BSPH1: variants seen among roughly 807,000 people sequenced by gnomAD.
BSPH1 encodes the protein binder of sperm protein homolog 1.
BSPH1 carries 21 observed loss-of-function variants against 22.5 expected under a neutral mutation model. The observed-to-expected ratio is 0.93, with a 90% CI of 0.66 to 1.35. BSPH1 has a LOEUF of 1.35. BSPH1 is among the 40% of genes most tolerant of loss of function. The probability of loss-of-function intolerance (pLI) is 0.00; values close to 1 mark genes in which losing one functional copy is unlikely to be tolerated. For missense variants in BSPH1, 141 were observed against 154.2 expected (o/e 0.91, Z 0.45); for synonymous variants, 42 against 53.6 (o/e 0.78, Z 0.95).
At chr19:47,987,450 G>C (rs1386373857) in intron 1 of BSPH1, among the ~76,000 whole-genome samples, 1 of 148,322 alleles carries the variant, frequency 6.7e-6, no homozygotes, top group East Asian at 2.0e-4. Context: ...CAGTGGCGCT[G>C]TCATAGCTCA....
At chr19:47,975,649 ATTTTTTTTTTTTT>A (rs199878812) in intron 5 of BSPH1, among the ~76,000 whole-genome samples, 1 of 124,922 alleles carries the variant, frequency 8.0e-6, no homozygotes. Context: ...AAGGTAATGC[ATTTTTTTTTTTTT>A]TTTTTTTTTT....
chr19:47,991,286 G>A (rs11666386), intron 1 of BSPH1, among the ~76,000 whole-genome samples: 26,391 of 151,854 alleles, frequency 0.17, 2,541 homozygotes, highest in Non-Finnish European at 0.21. Context: ...TCAGACACTC[G>A]TGGTCGACCA....
intron 1 of BSPH1, among the ~76,000 whole-genome samples, chr19:47,985,826 CT>C (rs1969465109): frequency 8.2e-6 from 1 of 121,808 alleles, no homozygotes; most frequent in South Asian, 2.7e-4. Context: ...CAGGGCAAGA[CT>C]TTGTCTAGAA....
chr19:47,976,672 A>G, intron 5 of BSPH1, 38 bp downstream of exon 5: 3 of 1,529,798 alleles, frequency 2.0e-6, no homozygotes, highest in Non-Finnish European at 2.7e-6. Context: ...AAGGAGAATG[A>G]TTAAACGTCT....
Position 47,976,767 on chromosome 19 carries a change from CATTTTT to C in BSPH1, c.338_343del (p.Lys113_Trp115delinsArg). 2 of 1,551,658 alleles carry C rather than the reference CATTTTT, an allele frequency of 1.3e-6. No homozygotes were observed. The highest frequency in any genetic ancestry group is 1.4e-5 in the African/African-American group (1 of 73,150). ...GTTAAAATTCTTGGTCAGTGAACAC[CATTTTT>C]TCCCAAATGCTTCCCCATCATCAGT... is the stretch of plus-strand genomic sequence containing the variant. On this transcript the variant is annotated inframe_deletion, in exon 5 of 6. Coordinates refer to ENST00000344839, the MANE Select transcript of BSPH1 (RefSeq NM_001128326.2).
chr19:47,982,387 C>T (rs371962090), intron 1 of BSPH1, among the ~76,000 whole-genome samples: 4 of 152,294 alleles, frequency 2.6e-5, no homozygotes, highest in African/African-American at 7.2e-5. Flanking sequence ...TTATTACTGA[C>T]GATTTTGCTA....
At chr19:47,987,691 AAAC>A (rs1179923696) in intron 1 of BSPH1, among the ~76,000 whole-genome samples, 1 of 152,120 alleles carries the variant, frequency 6.6e-6, no homozygotes, top group African/African-American at 2.4e-5. Flanking sequence ...CCTTAGGTCA[AAAC>A]AACCTTGATC....
chr19:47,978,252 G>A lies in BSPH1; in HGVS notation c.125-748C>T, dbSNP rs535488602. On this transcript the variant is annotated intron_variant, in intron 3 of 5. Transcript: ENST00000344839. ...CTGGAGTAGCTGGGACTGCAGGTGC[G>A]TGCTACCATGCCCAGTTAATTTTTA... is the stretch of plus-strand genomic sequence containing the variant. 3.1e-4 allele frequency among the ~76,000 whole-genome samples: 47 copies of A among 151,828 alleles called. No homozygotes were observed. The South Asian group carries it at 7.1e-3, about 23-fold the overall frequency.
chr19:47,969,417 G>A (rs2122235478), intron 5 of BSPH1, among the ~76,000 whole-genome samples: 1 of 152,246 alleles, frequency 6.6e-6, no homozygotes, highest in Middle Eastern at 3.4e-3. Flanking sequence ...GGGTTTAGGA[G>A]ATAACTCAGG....
rs191593652 is a variant in BSPH1, at chr19:47,984,939, C to G, written c.74-3998G>C. On this transcript the variant is annotated intron_variant, in intron 1 of 5. Coordinates refer to ENST00000344839, the MANE Select transcript of BSPH1 (RefSeq NM_001128326.2). ...AAAATTAGCCGGACATGGTGGTGGG[C>G]GCCTGTAATCCCAGCTACTCAGGAG... Among the ~76,000 whole-genome samples, 721 of 151,648 alleles carry G rather than the reference C, an allele frequency of 4.8e-3. 8 individuals carry two copies. The highest frequency in any genetic ancestry group is 0.017 in the African/African-American group (690 of 41,310).
intron 1 of BSPH1, among the ~76,000 whole-genome samples, chr19:47,989,250 A>G (rs964193933): frequency 5.9e-5 from 9 of 151,484 alleles, no homozygotes; most frequent in Admixed American, 2.0e-4. Context: ...GGTTCAAGTG[A>G]TTCTCCTGCC....
chr19:47,989,708 G>A (rs867665611), intron 1 of BSPH1, among the ~76,000 whole-genome samples: 15 of 152,204 alleles, frequency 9.9e-5, no homozygotes, highest in African/African-American at 2.9e-4. Context: ...TATTTGTGAC[G>A]ACATCTTATT....
intron 5 of BSPH1, among the ~76,000 whole-genome samples, chr19:47,975,047 A>G (rs1969348478): frequency 6.6e-6 from 1 of 152,176 alleles, no homozygotes. Context: ...ATCCACATGC[A>G]CTTACATTTT....
chr19:47,977,325 CAGAG>C, intron 4 of BSPH1, 44 bp downstream of exon 4: 1 of 1,462,864 alleles, frequency 6.8e-7, no homozygotes, highest in East Asian at 2.5e-5. Context: ...ATCCCAGCCT[CAGAG>C]ACCAAGATTA....
intron 5 of BSPH1, among the ~76,000 whole-genome samples, chr19:47,974,281 T>C (rs1969340192): frequency 6.7e-6 from 1 of 149,764 alleles, no homozygotes; most frequent in Admixed American, 6.6e-5. Context: ...TTTTTTTTTT[T>C]TTTTTTGAGA....
intron 3 of BSPH1, 50 bp downstream of exon 3, chr19:47,979,520 A>G: frequency 1.1e-6 from 1 of 938,472 alleles, no homozygotes; most frequent in South Asian, 1.7e-5. Context: ...CACTTTTACA[A>G]AATTAAAAGA....
chr19:47,980,940 A>T lies in BSPH1; in HGVS notation c.75T>A (p.Asn25Lys). ...ACTCACCCACAGTTGATGATAATTC[A>T]TCTGAAAAACACAATTTTGAACAAA... ...SSACIFPVIL[N>K]ELSSTVETIT... Residue 25 changes from asparagine to lysine, a missense_variant and splice_region_variant, in exon 2 of 6, where the codon AAT becomes AAA. Asn to Lys is a moderately conservative substitution (Grantham distance 94). Transcript: ENST00000344839. 1.4e-6 allele frequency: 2 copies of T among 1,443,610 alleles called. No individual in the cohort carries two copies. Among genetic ancestry groups the T allele is most frequent in the Non-Finnish European group, 1.9e-6 (2 of 1,078,774 alleles). The allele number at this position is 1,443,610 out of a possible 1,614,324, so 89.4% of individuals were successfully genotyped here. A position where few individuals can be genotyped will look rare whatever the true frequency, so the allele number is the denominator to read the frequency against.
rs375229463 is a variant in BSPH1, at chr19:47,975,466, C to G, written c.*2+1244G>C. ...CAGGGCACTCACCATGGACCAGCCC[C>G]AGTGGCTTTCCCTCACTTTGTACAG... On this transcript the variant is annotated intron_variant, in intron 5 of 5. Coordinates refer to ENST00000344839, the MANE Select transcript of BSPH1 (RefSeq NM_001128326.2). 6.6e-5 allele frequency among the ~76,000 whole-genome samples: 10 copies of G among 152,328 alleles called. No homozygotes were observed. The East Asian group carries it at 1.2e-3, about 18-fold the overall frequency.
At chr19:47,973,134 G>A (rs1477630819) in intron 5 of BSPH1, among the ~76,000 whole-genome samples, 22 of 151,384 alleles carry the variant, frequency 1.5e-4, no homozygotes, top group Non-Finnish European at 3.2e-4. Flanking sequence ...GGAGAATGGT[G>A]TGAACCTGGG....
Sources: allele counts gnomAD v4.1 joint callset (sites outside exome capture counted in the v4.1 genomes callset), GRCh38; gene constraint gnomAD v4.1.1; transcripts MANE v1.5; gene names NCBI Gene and HGNC (gene_info 2026-07-23, HGNC 2026-07-21).